Variants in DES observed in about 807,000 individuals in gnomAD.
The protein encoded by DES is desmin, also known as cardiomyopathy, dilated 1F (autosomal dominant).
A neutral mutation model predicts 55.1 loss-of-function variants in DES; 34 were observed. The ratio of observed to expected loss-of-function variants is 0.62; its 90% CI spans 0.47 to 0.82. The LOEUF (loss-of-function observed/expected upper bound fraction) is 0.82. Among genes scored for constraint, DES ranks in the 40% least tolerant of loss-of-function variants. The pLI is 0.00. For missense variants in DES, 596 were observed against 645.9 expected (o/e 0.92, Z 0.84); for synonymous variants, 259 against 270.8 (o/e 0.96, Z 0.43).
At chr2:219,424,364 A>T (rs541501472) in intron 7 of DES, among the ~76,000 whole-genome samples, 1 of 152,388 alleles carries the variant, frequency 6.6e-6, no homozygotes, top group African/African-American at 2.4e-5. Context: ...TGACATTAGT[A>T]ATACGCAGAT....
intron 6 of DES, among the ~76,000 whole-genome samples, chr2:219,422,664 C>T (rs1460275609): frequency 1.3e-5 from 2 of 151,938 alleles, no homozygotes; most frequent in Non-Finnish European, 2.9e-5. Flanking sequence ...TGAGGTTTCA[C>T]CATGTTGGTC....
chr2:219,421,589 G>A (rs1365971344), intron 6 of DES, 29 bp downstream of exon 6: 3 of 1,607,390 alleles, frequency 1.9e-6, no homozygotes, highest in Non-Finnish European at 2.6e-6. Context: ...GCCCGAGTGG[G>A]AGGTGCGGGG....
chr2:219,420,002 C>A lies in DES; in HGVS notation c.579-93C>A. On this transcript the variant is annotated intron_variant, in intron 1 of 8. Transcript: ENST00000373960. This position sits in a 1 kb window ranked among gnomAD's most constrained non-coding sequence, Gnocchi z 6.0. ...CAGCAGCCAGGCCCTCCCGCTCTGTCCTGGACCCACCCCCTGGTCAGCCCC... is the reference window on the plus strand; with the variant it reads ...CAGCAGCCAGGCCCTCCCGCTCTGTACTGGACCCACCCCCTGGTCAGCCCC... 7.2e-7 allele frequency: 1 copy of A among 1,392,106 alleles called. No individual in the cohort carries two copies. The highest frequency in any genetic ancestry group is 1.7e-5 in the Admixed American group (1 of 59,208). 86.2% of individuals were successfully genotyped at this position (1,392,106 alleles called of 1,614,324 possible).
chr2:219,419,016 A>T lies in DES; in HGVS notation c.554A>T (p.Asp185Val), dbSNP rs1278644037. 1 of 1,545,072 alleles carries T rather than the reference A, an allele frequency of 6.5e-7. No individual in the cohort carries two copies. The highest frequency in any genetic ancestry group is 2.0e-5 in the Admixed American group (1 of 51,200). Residue 185 changes from aspartate (D) to valine (V), a missense_variant, in exon 1 of 9, where the codon GAC becomes GTC. Asp to Val is a radical substitution (Grantham distance 152, BLOSUM62 -3). Coordinates refer to ENST00000373960, the MANE Select transcript of DES (RefSeq NM_001927.4). The surrounding 1 kb of genome is among the most constrained non-coding windows in gnomAD (Gnocchi z 4.3). ...GACGTCGAGCGCGACAACCTGCTCG[A>T]CGACCTGCAGCGGCTCAAGGCCAAG... Reference protein sequence around the residue: ...RVDVERDNLLDDLQRLKAKLQ... With the variant: ...RVDVERDNLLVDLQRLKAKLQ...
Position 219,420,353 on chromosome 2 carries a change from C to T in DES, c.735+7C>T. ...TAAGAAAGTGCATGAAGAGGTATAC[C>T]TTGGCCCCTCTTCCTGGGGTCACTG... On this transcript the variant is annotated splice_region_variant and intron_variant, in intron 3 of 8. Transcript: ENST00000373960. This position sits in a 1 kb window ranked among gnomAD's most constrained non-coding sequence, Gnocchi z 6.0. The T allele has an allele frequency of 1.2e-6, 2 of 1,613,668 alleles. No individual in the cohort carries two copies. Among genetic ancestry groups the T allele is most frequent in the East Asian group, 2.2e-5 (1 of 44,872 alleles).
At position 219,421,486 on chromosome 2, in the gene DES, C is replaced by T. The variant is rs1575014996; in HGVS notation, c.1170C>T (p.Asp390=). ...CCCGCCATCTGCGCGAGTACCAGGACCTGCTCAACGTGAAGATGGCCCTGG... is the reference window on the plus strand; with the variant it reads ...CCCGCCATCTGCGCGAGTACCAGGATCTGCTCAACGTGAAGATGGCCCTGG... ...EMARHLREYQ[D]LLNVKMALDV... is the part of the protein sequence containing the mutation. The change falls in exon 6 of 9, where the codon GAC becomes GAT. Residue 390 remains aspartate (D), a synonymous_variant. Coordinates refer to ENST00000373960, the MANE Select transcript of DES (RefSeq NM_001927.4). 6.2e-7 allele frequency: 1 copy of T among 1,614,140 alleles called. No homozygotes were observed. Among genetic ancestry groups the T allele is most frequent in the Non-Finnish European group, 8.5e-7 (1 of 1,180,046 alleles).
chr2:219,418,674 C>A lies in DES; in HGVS notation c.212C>A (p.Ala71Asp). The change falls in exon 1 of 9, where the codon GCC becomes GAC. Residue 71 changes from alanine (A) to aspartate (D), a missense_variant. Ala to Asp is a moderately radical substitution (Grantham distance 126). Coordinates refer to ENST00000373960, the MANE Select transcript of DES (RefSeq NM_001927.4). The stretch of plus-strand genomic sequence containing the variant: ...GCCGGGGGCCTGGGGTCGCTGCGGG[C>A]CAGCCGGCTGGGGACCACCCGCACG... ...GGAGGLGSLR[A>D]SRLGTTRTPS... The A allele has an allele frequency of 1.3e-6, 2 of 1,579,576 alleles. No homozygotes were observed. Among genetic ancestry groups the A allele is most frequent in the South Asian group, 1.2e-5 (1 of 86,860 alleles).
Position 219,426,095 on chromosome 2 carries a change from C to T in DES, c.*105C>T, listed in dbSNP as rs1954531670. On this transcript the variant is annotated 3_prime_UTR_variant, in exon 9 of 9. Transcript: ENST00000373960. The surrounding 1 kb of genome is among the most constrained non-coding windows in gnomAD (Gnocchi z 4.5). ...GGACACCACACCCAGCCTCAGTCCT[C>T]CCCTCACAGCCTCTGACCCCTCCTC... The T allele has an allele frequency of 1.5e-5, 19 of 1,295,538 alleles. No homozygotes were observed. In the South Asian group the frequency reaches 2.2e-4, roughly 15 times the overall value. The allele number at this position is 1,295,538 out of a possible 1,614,324, so 80.3% of individuals were successfully genotyped here.
At chr2:219,422,312 ACACACATG>A (rs201360462) in intron 6 of DES, among the ~76,000 whole-genome samples, 1,780 of 152,234 alleles carry the variant, frequency 0.012, 28 homozygotes, top group African/African-American at 0.041. Context: ...ATGAGTTTGC[ACACACATG>A]CACACATGTC....
At chr2:219,422,558 A>G (rs933618760) in intron 6 of DES, among the ~76,000 whole-genome samples, 5 of 137,288 alleles carry the variant, frequency 3.6e-5, no homozygotes, top group African/African-American at 1.4e-4. Context: ...TCTGCCTCCC[A>G]GGCTCAAGCG....
rs557904603 is a variant in DES, at chr2:219,424,232, C to G, written c.1288+412C>G. On this transcript the variant is annotated intron_variant, in intron 7 of 8. Coordinates refer to ENST00000373960, the MANE Select transcript of DES (RefSeq NM_001927.4). ...GGCACATTGCCAAGCCCCACCTTGGCTGCTTGTCGAACACCTCCAGTTTGC... is the reference window on the plus strand; with the variant it reads ...GGCACATTGCCAAGCCCCACCTTGGGTGCTTGTCGAACACCTCCAGTTTGC... Among the ~76,000 whole-genome samples, 4 of 152,344 alleles carry G rather than the reference C, an allele frequency of 2.6e-5. No homozygotes were observed. In the South Asian group the frequency reaches 8.3e-4, roughly 32 times the overall value.
At chr2:219,423,023 G>A (rs898233369) in intron 6 of DES, among the ~76,000 whole-genome samples, 3 of 152,126 alleles carry the variant, frequency 2.0e-5, no homozygotes, top group Non-Finnish European at 2.9e-5. Flanking sequence ...GTAAAATCAC[G>A]TCTACATATG....
At chr2:219,423,727 C>G in intron 6 of DES, 50 bp from the exon 7 acceptor site, 2 of 1,589,234 alleles carry the variant, frequency 1.3e-6, no homozygotes, top group Non-Finnish European at 1.7e-6. Flanking sequence ...CTGGGCCCGG[C>G]CGATGGGAGG....
At position 219,419,834 on chromosome 2, in the gene DES, C is replaced by T. The variant is rs1036088526; in HGVS notation, c.579-261C>T. On this transcript the variant is annotated intron_variant, in intron 1 of 8. Coordinates refer to ENST00000373960, the MANE Select transcript of DES (RefSeq NM_001927.4). This position sits in a 1 kb window ranked among gnomAD's most constrained non-coding sequence, Gnocchi z 4.3. ...AACACAGAGGTGGATAAAATAGACA[C>T]AGTTTCTAACCCCAGGGAGGTCACA... Among the ~76,000 whole-genome samples the T allele has an allele frequency of 3.9e-5, 6 of 152,190 alleles. No homozygotes were observed. Among genetic ancestry groups the T allele is most frequent in the Non-Finnish European group, 5.9e-5 (4 of 68,028 alleles).
chr2:219,422,030 G>A (rs534555178), intron 6 of DES, among the ~76,000 whole-genome samples: 3 of 152,220 alleles, frequency 2.0e-5, no homozygotes, highest in South Asian at 4.1e-4. Context: ...AAGGCCACCT[G>A]GGTAAAAAGC....
rs757102249 is a variant in DES, at chr2:219,420,322, G to T, written c.711G>T (p.Ala237=). The T allele has an allele frequency of 6.2e-7, 1 of 1,613,968 alleles. No homozygotes were observed. Among genetic ancestry groups the T allele is most frequent in the Non-Finnish European group, 8.5e-7 (1 of 1,180,050 alleles). ...TTGAATCTCTCAACGAGGAGATCGC[G>T]TTCCTTAAGAAAGTGCATGAAGAGG... is the stretch of plus-strand genomic sequence containing the variant. ...RRIESLNEEI[A]FLKKVHEEEI... is the part of the protein sequence containing the mutation. The change falls in exon 3 of 9, where the codon GCG becomes GCT. Residue 237 remains alanine (A), a synonymous_variant. Coordinates refer to ENST00000373960, the MANE Select transcript of DES (RefSeq NM_001927.4). This position sits in a 1 kb window ranked among gnomAD's most constrained non-coding sequence, Gnocchi z 6.0.
rs1440985603 is a variant in DES, at chr2:219,420,107, G to A, written c.591G>A (p.Glu197=). The A allele has an allele frequency of 1.2e-6, 2 of 1,614,230 alleles. No individual in the cohort carries two copies. The highest frequency in any genetic ancestry group is 1.7e-6 in the Non-Finnish European group (2 of 1,180,040). The stretch of plus-strand genomic sequence containing the variant: ...CTGTCCCACCCAGGCTGCAGGAGGA[G>A]ATTCAGTTGAAGGAAGAAGCAGAGA... ...LQRLKAKLQE[E]IQLKEEAENN... Residue 197 remains glutamate, a synonymous_variant, in exon 2 of 9, where the codon GAG becomes GAA. Coordinates refer to ENST00000373960, the MANE Select transcript of DES (RefSeq NM_001927.4). The surrounding 1 kb of genome is among the most constrained non-coding windows in gnomAD (Gnocchi z 6.0).
At chr2:219,423,968 G>A in intron 7 of DES, 148 bp downstream of exon 7, 2 of 835,810 alleles carry the variant, frequency 2.4e-6, no homozygotes, top group Non-Finnish European at 4.0e-6. Flanking sequence ...ACCACTGCGG[G>A]TAGGTGGGGG....
At chr2:219,421,055 A>G in intron 5 of DES, 102 bp downstream of exon 5, 1 of 1,457,402 alleles carries the variant, frequency 6.9e-7, no homozygotes, top group Non-Finnish European at 9.3e-7. Flanking sequence ...CTGGGCCTTC[A>G]TCTACTTAAA....
Sources: allele counts gnomAD v4.1 joint callset (sites outside exome capture counted in the v4.1 genomes callset), GRCh38; gene constraint gnomAD v4.1.1; non-coding constraint Gnocchi (gnomAD v3.1); transcripts MANE v1.5; gene names NCBI Gene and HGNC (gene_info 2026-07-23, HGNC 2026-07-21).